The following SAMD5 variants were observed in gnomAD, a reference collection of about 807,000 sequenced individuals.
SAMD5 encodes the protein sterile alpha motif domain containing 5.
Under a neutral mutation model 11.3 loss-of-function variants are expected in SAMD5, and 13 were observed. The ratio of observed to expected loss-of-function variants is 1.15; its 90% CI spans 0.75 to 1.83. The LOEUF is 1.83. Among genes scored for constraint, SAMD5 ranks in the 40% most tolerant of loss-of-function variants. The probability of loss-of-function intolerance (pLI) is 0.00; values close to 1 mark genes in which losing one functional copy is unlikely to be tolerated. For missense variants in SAMD5, 255 were observed against 239.1 expected, an observed-to-expected ratio of 1.07 and a Z score of -0.44; for synonymous variants, 129 against 111.3, an observed-to-expected ratio of 1.16 and a Z score of -1.00.
intron 1 of SAMD5, among the ~76,000 whole-genome samples, chr6:147,536,092 T>C (rs1239899073): frequency 6.6e-6 from 1 of 151,968 alleles, no homozygotes; most frequent in Non-Finnish European, 1.5e-5. Flanking sequence ...CACGCCATTC[T>C]CCCGCCTCAG....
chr6:147,838,578 T>G, the SAMD5 span, among the ~76,000 whole-genome samples: 1 of 131,266 alleles, frequency 7.6e-6, no homozygotes. Context: ...AAGCAATAAC[T>G]GTTAGCCCTC....
chr6:147,609,375 C>A (rs1166986042), intron 1 of SAMD5, among the ~76,000 whole-genome samples: 2 of 152,096 alleles, frequency 1.3e-5, no homozygotes, highest in Non-Finnish European at 2.9e-5. Flanking sequence ...GCCAACTCTG[C>A]CAACCTCACT....
At chr6:147,664,474 CA>C (rs1790689016) in intron 1 of SAMD5, among the ~76,000 whole-genome samples, 1 of 152,068 alleles carries the variant, frequency 6.6e-6, no homozygotes, top group Admixed American at 6.6e-5. Context: ...CAGTGATACC[CA>C]AGGCTGTATT....
chr6:147,509,867 C>T (rs1788061152), intron 1 of SAMD5, among the ~76,000 whole-genome samples: 1 of 152,162 alleles, frequency 6.6e-6, no homozygotes, highest in Admixed American at 6.5e-5. Flanking sequence ...AAGTCAGGCC[C>T]TGCCTTTCTC....
chr6:147,770,615 T>TTC, the SAMD5 span, among the ~76,000 whole-genome samples: 26 of 152,220 alleles, frequency 1.7e-4, no homozygotes, highest in Non-Finnish European at 2.8e-4. Flanking sequence ...GGATTTTGCT[T>TTC]TTCATTTTAT....
At chr6:147,906,455 G>A in the SAMD5 span, among the ~76,000 whole-genome samples, 1 of 152,160 alleles carries the variant, frequency 6.6e-6, no homozygotes, top group Admixed American at 6.6e-5. Flanking sequence ...CCTGTCTCTG[G>A]CCAACAGAAC....
At chr6:147,721,145 G>T (rs1791546392) in intron 1 of SAMD5, among the ~76,000 whole-genome samples, 1 of 145,682 alleles carries the variant, frequency 6.9e-6, no homozygotes, top group Non-Finnish European at 1.5e-5. Flanking sequence ...TGTGAATAAT[G>T]CGGCAATAAA....
chr6:147,771,866 G>T, the SAMD5 span, among the ~76,000 whole-genome samples: 2 of 152,206 alleles, frequency 1.3e-5, no homozygotes, highest in Admixed American at 1.3e-4. Flanking sequence ...AATCAAATTT[G>T]CCTAATCCCA....
chr6:147,531,016 G>A lies in SAMD5; in HGVS notation c.459+21629G>A, dbSNP rs183626264. 8.5e-4 allele frequency among the ~76,000 whole-genome samples: 130 copies of A among 152,260 alleles called. 1 individual carries two copies. The highest frequency in any genetic ancestry group is 1.2e-4 in the Non-Finnish European group (8 of 68,014). On this transcript the variant is annotated intron_variant, in intron 1 of 1. Coordinates refer to ENST00000367474, the MANE Select transcript of SAMD5 (RefSeq NM_001030060.3). ...ACTGAAGCACACTAAATAGTGTTCT[G>A]TTTATAAAACATAAACCTTTTTCTC...
At chr6:147,650,526 A>G (rs763891130) in intron 1 of SAMD5, among the ~76,000 whole-genome samples, 1 of 152,214 alleles carries the variant, frequency 6.6e-6, no homozygotes, top group Non-Finnish European at 1.5e-5. Context: ...TGCTGTAGAG[A>G]TTGGGTTTCA....
At chr6:147,722,268 A>G (rs1359799646) in intron 1 of SAMD5, among the ~76,000 whole-genome samples, 1 of 152,094 alleles carries the variant, frequency 6.6e-6, no homozygotes, top group East Asian at 1.9e-4. Flanking sequence ...TCCAGTATAT[A>G]GTCGATTTGT....
At chr6:147,784,309 C>T in the SAMD5 span, among the ~76,000 whole-genome samples, 1 of 152,106 alleles carries the variant, frequency 6.6e-6, no homozygotes, top group Non-Finnish European at 1.5e-5. Flanking sequence ...AAATGACACA[C>T]ACATGTAATC....
Position 147,677,383 on chromosome 6 carries a change from T to C in SAMD5, c.163-59934T>C, listed in dbSNP as rs187647790. Among the ~76,000 whole-genome samples the C allele has an allele frequency of 9.6e-3, 1,460 of 152,102 alleles. 8 individuals are homozygous for C. Among genetic ancestry groups the C allele is most frequent in the South Asian group, 0.015 (74 of 4,812 alleles). On this transcript the variant is annotated intron_variant, in intron 1 of 1. Coordinates refer to the SAMD5 transcript ENST00000566741. Reference sequence around the variant, plus strand: ...TCAGTGGAGAAACAGCCCAGAGAACTGGGAAAGCAATGACTTGGAAGCAGC... The same window carrying C: ...TCAGTGGAGAAACAGCCCAGAGAACCGGGAAAGCAATGACTTGGAAGCAGC...
the SAMD5 span, among the ~76,000 whole-genome samples, chr6:147,895,826 C>A: frequency 1.3e-5 from 2 of 152,196 alleles, no homozygotes; most frequent in African/African-American, 4.8e-5. Flanking sequence ...AAGCCTTCCC[C>A]TGTAGACAGA....
At chr6:147,736,454 G>A (rs188886831) in intron 1 of SAMD5, among the ~76,000 whole-genome samples, 2 of 152,198 alleles carry the variant, frequency 1.3e-5, no homozygotes, top group African/African-American at 4.8e-5. Context: ...TTTCCATAAT[G>A]ATAATTTGTA....
chr6:147,854,123 C>T, the SAMD5 span, among the ~76,000 whole-genome samples: 7 of 152,006 alleles, frequency 4.6e-5, no homozygotes, highest in Non-Finnish European at 7.4e-5. Context: ...GGAAGGAGGA[C>T]AGGAAGCTTT....
intron 1 of SAMD5, among the ~76,000 whole-genome samples, chr6:147,580,366 G>A (rs4448118): frequency 0.34 from 51,614 of 152,032 alleles, 8,892 homozygotes; most frequent in East Asian, 0.36. Flanking sequence ...CTCCTCTTAC[G>A]TTATAAAGGC....
chr6:147,602,563 G>A (rs1022723568), intron 1 of SAMD5, among the ~76,000 whole-genome samples: 1 of 152,118 alleles, frequency 6.6e-6, no homozygotes, highest in Non-Finnish European at 1.5e-5. Context: ...GGCCAACATG[G>A]CAAAACCCCG....
the SAMD5 span, among the ~76,000 whole-genome samples, chr6:147,761,685 G>A: frequency 6.6e-6 from 1 of 152,156 alleles, no homozygotes; most frequent in Non-Finnish European, 1.5e-5. Context: ...GTAAGCTTTT[G>A]TAGAATGCCT....
Sources: allele counts gnomAD v4.1 joint callset (sites outside exome capture counted in the v4.1 genomes callset), GRCh38; gene constraint gnomAD v4.1.1; transcripts MANE v1.5; gene names NCBI Gene and HGNC (gene_info 2026-07-23, HGNC 2026-07-21).